KSR1: variants seen among roughly 807,000 people sequenced by gnomAD.
KSR1 encodes the protein kinase suppressor of ras.
KSR1 carries 35 observed loss-of-function variants against 92.9 expected under a neutral mutation model. The observed-to-expected ratio is 0.38, with a 90% confidence interval of 0.29 to 0.50. KSR1 has a LOEUF of 0.50. KSR1 is among the 20% of genes least tolerant of loss of function. KSR1 has a pLI of 0.94. For missense variants in KSR1, 972 were observed against 1,158.5 expected, an observed-to-expected ratio of 0.84 and a Z score of 2.34; for synonymous variants, 467 against 472.6, an observed-to-expected ratio of 0.99 and a Z score of 0.15.
rs796165967 is a variant in KSR1 at position 27,540,533 on chromosome 17, C to G, written c.232-10035C>G. Among the ~76,000 whole-genome samples, 47 of 152,324 alleles carry G rather than the reference C, an allele frequency of 3.1e-4. 1 individual carries two copies. The highest frequency in any genetic ancestry group is 1.0e-3 in the African/African-American group (43 of 41,562). ...GTGGGAGGCTTGGCGGGGAGGTTGT[C>G]TCTACACAAATGTAAAAGCCTGGCA... On this transcript the variant is annotated intron_variant, in intron 1 of 20. Transcript: ENST00000644974.
intron 1 of KSR1, among the ~76,000 whole-genome samples, chr17:27,530,883 C>T (rs1280842926): frequency 6.6e-6 from 1 of 152,150 alleles, no homozygotes; most frequent in African/African-American, 2.4e-5. Context: ...TCCTGCCTGT[C>T]GCTTAGTAAA....
intron 2 of KSR1, among the ~76,000 whole-genome samples, chr17:27,564,074 C>T (rs1008114116): frequency 1.4e-5 from 2 of 147,854 alleles, no homozygotes; most frequent in African/African-American, 5.0e-5. Context: ...CTGCTACCTC[C>T]ACCTCCCAGG....
chr17:27,616,162 T>A (rs1567893791), intron 18 of KSR1, among the ~76,000 whole-genome samples: 1 of 152,228 alleles, frequency 6.6e-6, no homozygotes, highest in Admixed American at 6.5e-5. Flanking sequence ...TGAAGACAGC[T>A]GCTACCTTTG....
At chr17:27,586,451 G>A (rs2151179312) in intron 5 of KSR1, among the ~76,000 whole-genome samples, 1 of 152,328 alleles carries the variant, frequency 6.6e-6, no homozygotes, top group African/African-American at 2.4e-5. Flanking sequence ...GATGAGGAGG[G>A]GTACAGCAGG....
intron 1 of KSR1, among the ~76,000 whole-genome samples, chr17:27,466,448 C>T (rs999892840): frequency 1.3e-5 from 2 of 152,104 alleles, no homozygotes; most frequent in Admixed American, 6.5e-5. Flanking sequence ...GAGGTGTGCC[C>T]GCCTGCCTGC....
rs537049990 is a variant in KSR1, at chr17:27,508,251, G to A, written c.232-42317G>A. Reference sequence around the variant, plus strand: ...GACATGGGTTTGAATGTGTCTAACTGGACAGAGGAAGCCATGAGCCCTGTG... The same window carrying A: ...GACATGGGTTTGAATGTGTCTAACTAGACAGAGGAAGCCATGAGCCCTGTG... On this transcript the variant is annotated intron_variant, in intron 1 of 20. Coordinates refer to ENST00000644974, the MANE Select transcript of KSR1 (RefSeq NM_001394583.1). Among the ~76,000 whole-genome samples, 3 of 152,290 alleles carry A rather than the reference G, an allele frequency of 2.0e-5. No individual in the cohort carries two copies. In the East Asian group the frequency reaches 5.8e-4, roughly 29 times the overall value.
intron 1 of KSR1, among the ~76,000 whole-genome samples, chr17:27,545,838 G>A (rs751793872): frequency 2.0e-5 from 3 of 152,184 alleles, no homozygotes; most frequent in Non-Finnish European, 4.4e-5. Flanking sequence ...AGGCTGGACT[G>A]GGGAAGGCCC....
chr17:27,617,178 G>T, intron 18 of KSR1, 117 bp from the exon 19 acceptor site: 2 of 1,135,576 alleles, frequency 1.8e-6, no homozygotes, highest in Non-Finnish European at 2.4e-6. Context: ...GTGTTCAGGG[G>T]GCCGCCAGTT....
At chr17:27,542,693 C>T (rs189261294) in intron 1 of KSR1, among the ~76,000 whole-genome samples, 2 of 152,220 alleles carry the variant, frequency 1.3e-5, no homozygotes, top group Non-Finnish European at 2.9e-5. Flanking sequence ...AGTCTTCATG[C>T]TCCTCCTTTT....
At chr17:27,509,662 A>C (rs533710379) in intron 1 of KSR1, among the ~76,000 whole-genome samples, 1 of 151,242 alleles carries the variant, frequency 6.6e-6, no homozygotes, top group African/African-American at 2.4e-5. Context: ...TCTCTAGTTT[A>C]AAACAAACAA....
chr17:27,526,045 TC>T lies in KSR1; in HGVS notation c.232-24522del, dbSNP rs764872459. Among the ~76,000 whole-genome samples the T allele has an allele frequency of 2.6e-3, 306 of 117,840 alleles. 1 individual carries two copies. The highest frequency in any genetic ancestry group is 8.7e-3 in the Middle Eastern group (2 of 230). The allele number at this position is 117,840 out of a possible 152,430, so 77.3% of individuals were successfully genotyped here. A position where few individuals can be genotyped will look rare whatever the true frequency, so the allele number is the denominator to read the frequency against. On this transcript the variant is annotated intron_variant, in intron 1 of 20. Coordinates refer to ENST00000644974, the MANE Select transcript of KSR1 (RefSeq NM_001394583.1). ...TTCTTTTCTTTTCTTTTCTTTTCTT[TC>T]TCTCTCTCTCTCTCTCTTTCTTTCT...
Position 27,585,639 on chromosome 17 carries a change from G to A in KSR1, c.981-18G>A. The A allele has an allele frequency of 1.3e-6, 1 of 761,530 alleles. No individual in the cohort carries two copies. The highest frequency in any genetic ancestry group is 2.4e-6 in the Non-Finnish European group (1 of 408,576). The allele number at this position is 761,530 out of a possible 1,614,324, so 47.2% of individuals were successfully genotyped here. Reference sequence around the variant, plus strand: ...GCGTGGTGACGTAATCCCCCTCTCTGCTTTTTGTCTCCTCCAGGTTTGGTA... The same window carrying A: ...GCGTGGTGACGTAATCCCCCTCTCTACTTTTTGTCTCCTCCAGGTTTGGTA... On this transcript the variant is annotated intron_variant, in intron 4 of 20. Transcript: ENST00000644974.
chr17:27,525,533 G>C (rs1287434852), intron 1 of KSR1, among the ~76,000 whole-genome samples: 1 of 152,216 alleles, frequency 6.6e-6, no homozygotes, highest in Non-Finnish European at 1.5e-5. Context: ...ATTATATGTA[G>C]TACTGGAATG....
chr17:27,621,488 G>A (rs1037614379), intron 20 of KSR1, among the ~76,000 whole-genome samples: 14 of 152,146 alleles, frequency 9.2e-5, no homozygotes, highest in African/African-American at 3.1e-4. Context: ...AGCATGTGGC[G>A]GGGCCTTTGT....
At chr17:27,539,389 CCAG>C in intron 1 of KSR1, among the ~76,000 whole-genome samples, 1 of 152,182 alleles carries the variant, frequency 6.6e-6, no homozygotes, top group Non-Finnish European at 1.5e-5. Context: ...CCTCAGCCTC[CCAG>C]CAGAAGCACC....
intron 1 of KSR1, among the ~76,000 whole-genome samples, chr17:27,508,971 T>A (rs1374526990): frequency 6.6e-6 from 1 of 151,928 alleles, no homozygotes; most frequent in Non-Finnish European, 1.5e-5. Context: ...CCTCAGGTGA[T>A]CCACCCACCT....
intron 1 of KSR1, among the ~76,000 whole-genome samples, chr17:27,476,894 G>C (rs557670561): frequency 1.3e-5 from 2 of 152,332 alleles, no homozygotes; most frequent in African/African-American, 4.8e-5. Flanking sequence ...TTCAGGGCAA[G>C]TCCATAGAGT....
intron 11 of KSR1, chr17:27,601,823 T>C (rs2073569942): frequency 8.9e-7 from 1 of 1,126,026 alleles, no homozygotes; most frequent in African/African-American, 1.6e-5. Context: ...CTTAGAGAAG[T>C]AGAAACCCAT....
chr17:27,537,590 C>G (rs1418580159), intron 1 of KSR1, among the ~76,000 whole-genome samples: 1 of 152,122 alleles, frequency 6.6e-6, no homozygotes, highest in Non-Finnish European at 1.5e-5. Context: ...ACTTGGGAGG[C>G]TGAGGTGGGA....
Sources: allele counts gnomAD v4.1 joint callset (sites outside exome capture counted in the v4.1 genomes callset), GRCh38; gene constraint gnomAD v4.1.1; transcripts MANE v1.5; gene names NCBI Gene and HGNC (gene_info 2026-07-23, HGNC 2026-07-21).